USP13: variants seen among roughly 807,000 people sequenced by gnomAD.
The protein encoded by USP13 is ubiquitin specific peptidase 13, also known as ubiquitin carboxyl-terminal hydrolase 13.
Under a neutral mutation model 107.8 loss-of-function variants are expected in USP13, and 68 were observed. The ratio of observed to expected loss-of-function variants is 0.63; its 90% CI spans 0.52 to 0.77. The LOEUF is 0.77. Among genes scored for constraint, USP13 ranks in the 30% least tolerant of loss-of-function variants. The pLI is 0.00. For missense variants in USP13, 945 were observed against 1,093.3 expected (o/e 0.86, Z 1.91); for synonymous variants, 377 against 389.5 (o/e 0.97, Z 0.38).
At chr3:179,738,066 A>G (rs1266902705) in intron 10 of USP13, among the ~76,000 whole-genome samples, 2 of 152,226 alleles carry the variant, frequency 1.3e-5, no homozygotes, top group Non-Finnish European at 2.9e-5. Flanking sequence ...GTGATTCTGC[A>G]AACGTGTCAT....
In USP13 at chr3:179,764,004, T is replaced by C; in HGVS notation, c.2095T>C (p.Phe699Leu). 6.2e-7 allele frequency: 1 copy of C among 1,602,582 alleles called. No individual in the cohort carries two copies. Among genetic ancestry groups the C allele is most frequent in the Admixed American group, 1.8e-5 (1 of 56,846 alleles). ...WIIVHMEEPD[F>L]AEPLTMPGYG... Reference sequence around the variant, plus strand: ...TTGGGTGTGGTTATTTTTCTCAGATTTTGCTGAGCCGCTGACCATGCCTGG... The same window carrying C: ...TTGGGTGTGGTTATTTTTCTCAGATCTTGCTGAGCCGCTGACCATGCCTGG... Residue 699 changes from phenylalanine to leucine, a missense_variant and splice_region_variant, in exon 18 of 21, where the codon TTT (phenylalanine) becomes CTT (leucine). By Grantham distance (22) the Phe-to-Leu change is conservative (BLOSUM62 0). Transcript: ENST00000263966.
chr3:179,700,200 A>G (rs1485330881), intron 3 of USP13, among the ~76,000 whole-genome samples: 1 of 152,174 alleles, frequency 6.6e-6, no homozygotes, highest in African/African-American at 2.4e-5. Flanking sequence ...GATAGGTAAC[A>G]GGCTAGAGGA....
chr3:179,780,377 G>A (rs964865359), intron 19 of USP13, among the ~76,000 whole-genome samples: 1 of 152,186 alleles, frequency 6.6e-6, no homozygotes, highest in Non-Finnish European at 1.5e-5. Context: ...AATGAGTTCA[G>A]CAAGGTTGCA....
At chr3:179,674,656 A>C (rs921228473) in intron 1 of USP13, among the ~76,000 whole-genome samples, 1 of 151,814 alleles carries the variant, frequency 6.6e-6, no homozygotes, top group Non-Finnish European at 1.5e-5. Flanking sequence ...GCCTGTACCC[A>C]GAGGGGAAAT....
intron 6 of USP13, among the ~76,000 whole-genome samples, chr3:179,718,370 T>A (rs1457887837): frequency 6.6e-6 from 1 of 151,888 alleles, no homozygotes; most frequent in African/African-American, 2.4e-5. Flanking sequence ...TAGCTTACTG[T>A]AGCCTCAAAC....
At chr3:179,727,239 C>T (rs1174400432) in intron 8 of USP13, among the ~76,000 whole-genome samples, 3 of 129,804 alleles carry the variant, frequency 2.3e-5, no homozygotes, top group South Asian at 5.3e-4. Flanking sequence ...GGTCACAGGA[C>T]AATAGTGGAG....
intron 19 of USP13, among the ~76,000 whole-genome samples, chr3:179,768,007 C>T (rs1715232308): frequency 6.6e-6 from 1 of 152,156 alleles, no homozygotes; most frequent in Admixed American, 6.5e-5. Context: ...TTTCCATACT[C>T]ATTTAAAGTA....
intron 19 of USP13, among the ~76,000 whole-genome samples, chr3:179,778,677 A>C (rs6763414): frequency 0.17 from 25,385 of 151,998 alleles, 3,550 homozygotes; most frequent in African/African-American, 0.39. Flanking sequence ...GAGGCAGGAG[A>C]ATTGCTTGAA....
intron 8 of USP13, among the ~76,000 whole-genome samples, chr3:179,722,930 T>C (rs1409735182): frequency 6.6e-6 from 1 of 152,224 alleles, no homozygotes; most frequent in Non-Finnish European, 1.5e-5. Flanking sequence ...ACAGCAGCTA[T>C]GTCTGTGGCT....
At chr3:179,697,800 C>G (rs1712376615) in intron 3 of USP13, among the ~76,000 whole-genome samples, 1 of 152,118 alleles carries the variant, frequency 6.6e-6, no homozygotes, top group Non-Finnish European at 1.5e-5. Flanking sequence ...TGTATGTTAC[C>G]TCTGATGGAC....
intron 3 of USP13, among the ~76,000 whole-genome samples, chr3:179,694,732 C>T (rs1376015298): frequency 7.6e-6 from 1 of 131,150 alleles, no homozygotes; most frequent in East Asian, 2.6e-4. Flanking sequence ...ACCTGGGAGG[C>T]GGAGGTTGCA....
At chr3:179,715,038 G>A (rs1713062881) in intron 6 of USP13, among the ~76,000 whole-genome samples, 1 of 151,282 alleles carries the variant, frequency 6.6e-6, no homozygotes, top group South Asian at 2.1e-4. Context: ...CTCCATACTC[G>A]GCTAATTTTT....
chr3:179,682,081 A>G (rs1481363397), intron 2 of USP13, 78 bp downstream of exon 2: 3 of 1,502,914 alleles, frequency 2.0e-6, no homozygotes, highest in Non-Finnish European at 1.8e-6. Flanking sequence ...TCACGTGGAA[A>G]TTTGACCATG....
At position 179,653,395 on chromosome 3, in the gene USP13, T is replaced by C; in HGVS notation, c.168+2T>C. On this transcript the variant is annotated splice_donor_variant, in intron 1 of 20. Coordinates refer to ENST00000263966, the MANE Select transcript of USP13 (RefSeq NM_003940.3). LOFTEE classifies it high-confidence loss of function. This position sits in a 1 kb window ranked among gnomAD's most constrained non-coding sequence, Gnocchi z 4.0. The stretch of plus-strand genomic sequence containing the variant: ...TGCGCCTTCTCCTACGACTCTCCCG[T>C]AAGTGAGGCGCCTCGGGGGAGGGTC... 1.3e-6 allele frequency: 2 copies of C among 1,555,264 alleles called. No homozygotes were observed. The highest frequency in any genetic ancestry group is 1.2e-5 in the South Asian group (1 of 84,394).
chr3:179,707,971 A>G (rs888268834), intron 5 of USP13, among the ~76,000 whole-genome samples: 8 of 152,242 alleles, frequency 5.3e-5, no homozygotes, highest in Non-Finnish European at 1.5e-5. Flanking sequence ...TACTTGGCAT[A>G]TAGTTGACGT....
rs1188428458 is a variant in USP13 at position 179,730,630 on chromosome 3, A to G, written c.1175A>G (p.His392Arg). The change falls in exon 10 of 21, where the codon CAT becomes CGT. Residue 392 changes from histidine to arginine, a missense_variant. Physicochemically the swap from His to Arg is conservative, Grantham distance 29 (BLOSUM62 0). Coordinates refer to ENST00000263966, the MANE Select transcript of USP13 (RefSeq NM_003940.3). The part of the protein sequence containing the change: ...DFNTQMTKLG[H>R]GLLSGQYSKP... ...GTCCTGGCCAGGACTAAGTTAGGAC[A>G]TGGCCTTCTCTCAGGCCAGTATTCA... is the stretch of plus-strand genomic sequence containing the variant. The G allele has an allele frequency of 6.2e-7, 1 of 1,614,004 alleles. No individual in the cohort carries two copies.
chr3:179,700,889 A>G (rs1712491848), intron 3 of USP13, 119 bp from the exon 4 acceptor site: 2 of 1,257,588 alleles, frequency 1.6e-6, no homozygotes, highest in Non-Finnish European at 2.1e-6. Flanking sequence ...AAAGTTGTAA[A>G]TGTCACACCC....
chr3:179,776,235 G>C (rs919490025), intron 19 of USP13, among the ~76,000 whole-genome samples: 5 of 152,062 alleles, frequency 3.3e-5, no homozygotes, highest in Admixed American at 6.5e-5. Flanking sequence ...ATACATGTCT[G>C]TCTCATATTC....
At chr3:179,714,551 C>G (rs951132893) in intron 6 of USP13, among the ~76,000 whole-genome samples, 1 of 152,194 alleles carries the variant, frequency 6.6e-6, no homozygotes, top group African/African-American at 2.4e-5. Context: ...ATATCTCTAG[C>G]ATCTAGTAGT....
Sources: gnomAD v4.1 joint callset for allele counts (sites outside exome capture counted in the v4.1 genomes callset) on GRCh38, gnomAD v4.1.1 for gene constraint, Gnocchi (gnomAD v3.1) non-coding constraint, MANE v1.5 for transcripts, NCBI Gene and HGNC (gene_info 2026-07-23, HGNC 2026-07-21) for gene names.